SORCS1: variants seen among roughly 807,000 people sequenced by gnomAD.
The protein encoded by SORCS1 is VPS10 domain-containing receptor SorCS1.
SORCS1 carries 60 observed loss-of-function variants against 146.1 expected under a neutral mutation model. That is an observed-to-expected ratio of 0.41 (90% confidence interval 0.33 to 0.51). The LOEUF is 0.51. Ranked by LOEUF, SORCS1 falls within the 20% of genes least tolerant of loss-of-function variation. The probability of loss-of-function intolerance (pLI) is 0.21; values close to 1 mark genes in which losing one functional copy is unlikely to be tolerated. For missense variants in SORCS1, 1,352 were observed against 1,487.6 expected (o/e 0.91, Z 1.50); for synonymous variants, 637 against 584.0 (o/e 1.09, Z -1.31).
Position 106,675,145 on chromosome 10 carries a change from T to G in SORCS1, c.1844A>C (p.Asp615Ala). The change falls in exon 14 of 26, where the codon GAT becomes GCT. Residue 615 changes from aspartate to alanine, a missense_variant. Transcript: ENST00000263054. Reference sequence around the variant, plus strand: ...GTATTTGCTCCAAGATCTCCCTTCATCAAAACTCAACCTAATGATATAAAA... The same window carrying G: ...GTATTTGCTCCAAGATCTCCCTTCAGCAAAACTCAACCTAATGATATAAAA... ...LPIRHLWLSF[D>A]EGRSWSKYSF... The G allele has an allele frequency of 6.2e-7, 1 of 1,612,362 alleles. No individual in the cohort carries two copies. Among genetic ancestry groups the G allele is most frequent in the South Asian group, 1.1e-5 (1 of 90,922 alleles).
chr10:106,695,588 T>C (rs113854151), intron 9 of SORCS1, among the ~76,000 whole-genome samples: 103 of 152,316 alleles, frequency 6.8e-4, no homozygotes, highest in South Asian at 1.2e-3. Flanking sequence ...GAAGTGAAAG[T>C]GACAACAGTC....
At position 106,574,998 on chromosome 10, in the gene SORCS1, G is replaced by C. The variant is rs187027701; in HGVS notation, c.*2422C>G. Reference sequence around the variant, plus strand: ...AATAGTTTTCATACTACTACTCTAGGCAAGGCACTGTGCTAGAATAAGAGT... The same window carrying C: ...AATAGTTTTCATACTACTACTCTAGCCAAGGCACTGTGCTAGAATAAGAGT... On this transcript the variant is annotated 3_prime_UTR_variant, in exon 26 of 26. Transcript: ENST00000263054. 857 of 152,604 alleles carry C rather than the reference G, an allele frequency of 5.6e-3. 9 individuals are homozygous for C. The highest frequency in any genetic ancestry group is 0.017 in the Middle Eastern group (5 of 294). The allele number at this position is 152,604 out of a possible 1,614,324, so 9.5% of individuals were successfully genotyped here.
At chr10:107,120,047 G>A (rs1295400756) in intron 1 of SORCS1, among the ~76,000 whole-genome samples, 1 of 151,926 alleles carries the variant, frequency 6.6e-6, no homozygotes, top group Non-Finnish European at 1.5e-5. Flanking sequence ...TGCCATCTAG[G>A]ATGACTACCA....
At chr10:106,670,620 T>A (rs1370345003) in intron 16 of SORCS1, among the ~76,000 whole-genome samples, 1 of 152,052 alleles carries the variant, frequency 6.6e-6, no homozygotes, top group Admixed American at 6.6e-5. Context: ...TGAGCATAGA[T>A]GTTTGTTTGC....
chr10:106,669,524 A>G (rs1851426244), intron 16 of SORCS1, among the ~76,000 whole-genome samples: 1 of 152,222 alleles, frequency 6.6e-6, no homozygotes, highest in Non-Finnish European at 1.5e-5. Flanking sequence ...GTGGCTTCAG[A>G]AAGAGGGATG....
intron 4 of SORCS1, among the ~76,000 whole-genome samples, chr10:106,766,019 G>C (rs1228530692): frequency 6.6e-6 from 1 of 152,096 alleles, no homozygotes; most frequent in African/African-American, 2.4e-5. Context: ...TAAGTCTTTG[G>C]TTCATGGGAC....
At chr10:106,691,502 A>G (rs376450578) in intron 9 of SORCS1, among the ~76,000 whole-genome samples, 223 of 152,338 alleles carry the variant, frequency 1.5e-3, no homozygotes, top group African/African-American at 4.9e-3. Flanking sequence ...ATAAGTCAAG[A>G]TATCATTTTA....
In SORCS1 at chr10:106,774,426, A is replaced by AGTGTGTGTGTGT. The variant is rs3045083; in HGVS notation, c.885+2096_885+2107dup. The stretch of plus-strand genomic sequence containing the variant: ...AAAAATAATAAGGATTAGGTTCCAA[A>AGTGTGTGTGTGT]GTGTGTGTGTGTGTGTGTGTGTGTG... On this transcript the variant is annotated intron_variant, in intron 4 of 25. Transcript: ENST00000263054. Among the ~76,000 whole-genome samples, 159 of 147,730 alleles carry AGTGTGTGTGTGT rather than the reference A, an allele frequency of 1.1e-3. 1 individual carries two copies. The highest frequency in any genetic ancestry group is 1.8e-3 in the Non-Finnish European group (119 of 66,642).
chr10:106,972,707 T>G (rs2139233870), intron 1 of SORCS1, among the ~76,000 whole-genome samples: 1 of 151,748 alleles, frequency 6.6e-6, no homozygotes, highest in South Asian at 2.1e-4. Flanking sequence ...AGCTGAAAGG[T>G]TTGAGTTGAA....
chr10:106,776,211 A>C (rs1412896032), intron 4 of SORCS1, among the ~76,000 whole-genome samples: 1 of 152,200 alleles, frequency 6.6e-6, no homozygotes, highest in Non-Finnish European at 1.5e-5. Flanking sequence ...ATGATCACCA[A>C]TCCACAAACA....
intron 23 of SORCS1, among the ~76,000 whole-genome samples, chr10:106,606,274 T>TATACACAC (rs1435613411): frequency 2.9e-5 from 4 of 139,006 alleles, no homozygotes; most frequent in African/African-American, 1.2e-4. Flanking sequence ...CACACAGATA[T>TATACACAC]ACACACACAC....
Position 106,709,322 on chromosome 10 carries a change from G to A in SORCS1, c.1044C>T (p.Cys348=). The A allele has an allele frequency of 6.2e-7, 1 of 1,613,028 alleles. No homozygotes were observed. The highest frequency in any genetic ancestry group is 2.2e-5 in the East Asian group (1 of 44,858). Residue 348 remains cysteine (C), a synonymous_variant, in exon 7 of 26, where the codon TGC becomes TGT. Coordinates refer to ENST00000263054, the MANE Select transcript of SORCS1 (RefSeq NM_052918.5). ...TGGCCTCTGTACAGTTCTGCATTCG[G>A]CAAGTTAGATAATGTGAATCTGAAA... ...TVDGHSHYLT[C]RMQNCTEANR...
intron 3 of SORCS1, among the ~76,000 whole-genome samples, chr10:106,818,897 A>G (rs1221651631): frequency 6.6e-6 from 1 of 152,198 alleles, no homozygotes; most frequent in Admixed American, 6.5e-5. Flanking sequence ...ATAGAGTTCT[A>G]TGTACATAGC....
intron 3 of SORCS1, among the ~76,000 whole-genome samples, chr10:106,812,682 G>C (rs1360314206): frequency 2.0e-5 from 3 of 152,108 alleles, no homozygotes; most frequent in Non-Finnish European, 4.4e-5. Flanking sequence ...GTTTAATAGA[G>C]TAAATGCAAC....
intron 2 of SORCS1, among the ~76,000 whole-genome samples, chr10:106,911,844 G>A (rs543062103): frequency 2.0e-5 from 3 of 152,258 alleles, no homozygotes; most frequent in Admixed American, 2.0e-4. Flanking sequence ...TGGGTGTGGT[G>A]GCTCACGCCT....
chr10:106,610,087 G>A (rs1199400245), intron 22 of SORCS1, among the ~76,000 whole-genome samples: 1 of 152,162 alleles, frequency 6.6e-6, no homozygotes, highest in Admixed American at 6.5e-5. Context: ...CGTGCCTCCT[G>A]GTGGTGATAA....
At chr10:106,935,319 T>C (rs1953656313) in intron 2 of SORCS1, among the ~76,000 whole-genome samples, 6 of 152,102 alleles carry the variant, frequency 3.9e-5, no homozygotes, top group Admixed American at 3.9e-4. Context: ...TAATATAGAA[T>C]ATAGAAATAA....
At chr10:107,026,963 T>C (rs1169709657) in intron 1 of SORCS1, among the ~76,000 whole-genome samples, 6 of 150,668 alleles carry the variant, frequency 4.0e-5, no homozygotes, top group Non-Finnish European at 8.9e-5. Context: ...TATGAATAAA[T>C]CATGCCCCAA....
chr10:107,018,211 G>A (rs4917493), intron 1 of SORCS1, among the ~76,000 whole-genome samples: 63 of 151,706 alleles, frequency 4.2e-4, no homozygotes, highest in Middle Eastern at 3.4e-3. Context: ...GTCCCGCTCC[G>A]TCGCCCAGGC....
Sources: allele counts gnomAD v4.1 joint callset (sites outside exome capture counted in the v4.1 genomes callset), GRCh38; gene constraint gnomAD v4.1.1; transcripts MANE v1.5; gene names NCBI Gene and HGNC (gene_info 2026-07-23, HGNC 2026-07-21).